CEP112: variants seen among roughly 807,000 people sequenced by gnomAD.
CEP112 encodes centrosomal protein of 112 kDa.
In CEP112, 127 loss-of-function variants were observed where a neutral mutation model predicts 153.0. The observed-to-expected ratio is 0.83, with a 90% CI of 0.72 to 0.96. CEP112 has a LOEUF of 0.96. Among genes scored for constraint, CEP112 ranks in the 40% least tolerant of loss-of-function variants. The probability of loss-of-function intolerance (pLI) is 0.00; values close to 1 mark genes in which losing one functional copy is unlikely to be tolerated. For missense variants in CEP112, 1,089 were observed against 1,101.2 expected (o/e 0.99, Z 0.16); for synonymous variants, 358 against 374.4 (o/e 0.96, Z 0.51).
At chr17:66,148,048 A>C (rs2070998022) in intron 4 of CEP112, among the ~76,000 whole-genome samples, 1 of 152,212 alleles carries the variant, frequency 6.6e-6, no homozygotes, top group Admixed American at 6.5e-5. Context: ...CACTGCTGAT[A>C]AAGACATACC....
chr17:66,029,303 T>G, intron 13 of CEP112, 51 bp from the exon 14 acceptor site: 1 of 1,504,800 alleles, frequency 6.6e-7, no homozygotes, highest in Non-Finnish European at 9.0e-7. Context: ...AACCAATCTC[T>G]AAAATGAAAT....
intron 24 of CEP112, among the ~76,000 whole-genome samples, chr17:65,659,105 A>G (rs572446226): frequency 6.6e-6 from 1 of 151,808 alleles, no homozygotes; most frequent in African/African-American, 2.4e-5. Context: ...AATGGTCTAG[A>G]TAGCAGATTA....
intron 23 of CEP112, among the ~76,000 whole-genome samples, chr17:65,706,400 C>T (rs1180780148): frequency 6.6e-6 from 1 of 152,072 alleles, no homozygotes; most frequent in Non-Finnish European, 1.5e-5. Context: ...GGGAGGCAGA[C>T]CTGAAAAGAG....
At chr17:65,924,153 T>C (rs536878826) in intron 19 of CEP112, among the ~76,000 whole-genome samples, 174 of 152,220 alleles carry the variant, frequency 1.1e-3, no homozygotes, top group African/African-American at 3.7e-3. Context: ...ATTTTTTGCA[T>C]TTTTAGTAGA....
At chr17:65,926,316 G>C (rs1241318941) in intron 19 of CEP112, among the ~76,000 whole-genome samples, 4 of 152,148 alleles carry the variant, frequency 2.6e-5, no homozygotes, top group Non-Finnish European at 5.9e-5. Context: ...TTAGAACTCA[G>C]CACAAATGTC....
intron 24 of CEP112, among the ~76,000 whole-genome samples, chr17:65,664,588 A>G (rs895095815): frequency 2.6e-5 from 4 of 152,220 alleles, no homozygotes; most frequent in Admixed American, 2.6e-4. Context: ...GATGAATACA[A>G]CTAAAGTGAC....
intron 5 of CEP112, among the ~76,000 whole-genome samples, chr17:66,131,680 G>A (rs1416703987): frequency 2.6e-5 from 4 of 152,140 alleles, no homozygotes; most frequent in African/African-American, 9.7e-5. Context: ...GGCGGAGCTT[G>A]CAGTGAGCCG....
intron 21 of CEP112, among the ~76,000 whole-genome samples, chr17:65,801,316 C>T (rs1363703794): frequency 1.3e-5 from 2 of 152,172 alleles, no homozygotes; most frequent in Non-Finnish European, 2.9e-5. Flanking sequence ...CCTTAGCCTC[C>T]CAAACTGTTG....
chr17:65,839,756 C>G (rs572221986), intron 21 of CEP112, among the ~76,000 whole-genome samples: 24 of 151,966 alleles, frequency 1.6e-4, no homozygotes, highest in Non-Finnish European at 3.4e-4. Flanking sequence ...ACAACATGAT[C>G]ATATATTAAG....
At chr17:65,875,297 C>A (rs977433009) in intron 20 of CEP112, among the ~76,000 whole-genome samples, 3 of 152,016 alleles carry the variant, frequency 2.0e-5, no homozygotes, top group Non-Finnish European at 4.4e-5. Context: ...GTTTTCTTTA[C>A]AAACTTTTTC....
intron 17 of CEP112, among the ~76,000 whole-genome samples, chr17:65,970,159 A>G (rs573289907): frequency 4.6e-5 from 7 of 152,324 alleles, no homozygotes; most frequent in Admixed American, 3.3e-4. Context: ...TGTGTATAGC[A>G]AACATGCATA....
chr17:65,790,543 T>C (rs1391419175), intron 21 of CEP112, among the ~76,000 whole-genome samples: 3 of 152,108 alleles, frequency 2.0e-5, no homozygotes, highest in Non-Finnish European at 2.9e-5. Flanking sequence ...CTGGGCCCAG[T>C]CTAAGTGCTC....
chr17:65,867,271 C>T (rs2058518975), intron 20 of CEP112, among the ~76,000 whole-genome samples: 1 of 152,228 alleles, frequency 6.6e-6, no homozygotes, highest in Admixed American at 6.5e-5. Context: ...CCCATGCTCG[C>T]TCACATACTA....
chr17:65,867,225 G>A (rs748213795), intron 20 of CEP112, among the ~76,000 whole-genome samples: 166 of 152,292 alleles, frequency 1.1e-3, no homozygotes, highest in Non-Finnish European at 2.1e-3. Flanking sequence ...CCGCCCCACC[G>A]CTGCTGGCAT....
At chr17:65,695,524 T>A (rs1235494475) in intron 23 of CEP112, among the ~76,000 whole-genome samples, 1 of 152,220 alleles carries the variant, frequency 6.6e-6, no homozygotes, top group Non-Finnish European at 1.5e-5. Context: ...CTCTTGTAGT[T>A]CTGCGTCAAT....
intron 20 of CEP112, among the ~76,000 whole-genome samples, chr17:65,861,819 G>T (rs570378882): frequency 6.6e-6 from 1 of 152,256 alleles, no homozygotes; most frequent in African/African-American, 2.4e-5. Flanking sequence ...AAACCCTACT[G>T]TAAGTTAACT....
At chr17:65,908,424 A>G (rs1230868490) in intron 19 of CEP112, among the ~76,000 whole-genome samples, 1 of 152,138 alleles carries the variant, frequency 6.6e-6, no homozygotes, top group Non-Finnish European at 1.5e-5. Flanking sequence ...GGACCGGGGC[A>G]GTGGCTCACG....
At chr17:66,119,244 G>A (rs1598388378) in intron 6 of CEP112, among the ~76,000 whole-genome samples, 1 of 152,124 alleles carries the variant, frequency 6.6e-6, no homozygotes, top group African/African-American at 2.4e-5. Flanking sequence ...GCTAATGCAC[G>A]CTGGGCTTAA....
intron 17 of CEP112, among the ~76,000 whole-genome samples, chr17:65,982,021 T>C (rs1299190837): frequency 6.6e-6 from 1 of 152,146 alleles, no homozygotes; most frequent in Non-Finnish European, 1.5e-5. Context: ...TTTCTGGGTA[T>C]AAGATAATGG....
Sources: allele counts gnomAD v4.1 joint callset (sites outside exome capture counted in the v4.1 genomes callset), GRCh38; gene constraint gnomAD v4.1.1; transcripts MANE v1.5; gene names NCBI Gene and HGNC (gene_info 2026-07-23, HGNC 2026-07-21).